Variants in TULP4 observed in about 807,000 individuals in gnomAD.
The protein encoded by TULP4 is TUB like protein 4.
A neutral mutation model predicts 129.0 loss-of-function variants in TULP4; 16 were observed. The observed-to-expected ratio is 0.12, with a 90% CI of 0.08 to 0.19. TULP4 has a LOEUF of 0.19. TULP4 is among the 10% of genes least tolerant of loss of function. The pLI is 1.00. For missense variants in TULP4, 1,842 were observed against 2,059.1 expected (o/e 0.89, Z 2.04); for synonymous variants, 998 against 854.0 (o/e 1.17, Z -2.94).
At chr6:158,387,046 A>G (rs1777464909) in intron 1 of TULP4, among the ~76,000 whole-genome samples, 1 of 152,260 alleles carries the variant, frequency 6.6e-6, no homozygotes, top group Non-Finnish European at 1.5e-5. Flanking sequence ...ATTGGGGGGG[A>G]AACTGCATAC....
chr6:158,383,954 T>G (rs1342279692), intron 1 of TULP4, among the ~76,000 whole-genome samples: 12 of 152,178 alleles, frequency 7.9e-5, no homozygotes, highest in Non-Finnish European at 1.8e-4. Flanking sequence ...GTAGTTGGAT[T>G]TGGCAGGAAG....
At chr6:158,402,401 AG>A (rs766643447) in intron 1 of TULP4, among the ~76,000 whole-genome samples, 1 of 152,218 alleles carries the variant, frequency 6.6e-6, no homozygotes, top group Non-Finnish European at 1.5e-5. Context: ...ATGGAGTCAC[AG>A]ATTGGTTTTT....
chr6:158,322,912 A>G lies in TULP4; in HGVS notation c.252+8644A>G, dbSNP rs553283690. On this transcript the variant is annotated intron_variant, in intron 1 of 13. Transcript: ENST00000367097. ...GAATGAAGAATGAGGCTTCCTAGAGATTGTGTGGTGAAGATGATCTTTGAG... is the reference window on the plus strand; with the variant it reads ...GAATGAAGAATGAGGCTTCCTAGAGGTTGTGTGGTGAAGATGATCTTTGAG... Among the ~76,000 whole-genome samples the G allele has an allele frequency of 8.0e-4, 122 of 152,248 alleles. 2 individuals are homozygous for G. The highest frequency in any genetic ancestry group is 2.9e-3 in the African/African-American group (119 of 41,530).
chr6:158,237,293 A>G (rs1777729432), intron 1 of TULP4: 2 of 1,398,932 alleles, frequency 1.4e-6, no homozygotes, highest in African/African-American at 1.4e-5. Flanking sequence ...TCCTAATGTT[A>G]CCGAGACTAG....
chr6:158,274,862 G>A (rs1778615200), intron 1 of TULP4, among the ~76,000 whole-genome samples: 1 of 152,192 alleles, frequency 6.6e-6, no homozygotes, highest in African/African-American at 2.4e-5. Flanking sequence ...GTTGCCTACA[G>A]GCCGCTCCTA....
chr6:158,438,367 G>C (rs1778797109), intron 3 of TULP4, among the ~76,000 whole-genome samples: 1 of 152,138 alleles, frequency 6.6e-6, no homozygotes, highest in Non-Finnish European at 1.5e-5. Flanking sequence ...CTTACTTGGA[G>C]GGAGGTTCTT....
intron 1 of TULP4, among the ~76,000 whole-genome samples, chr6:158,260,626 G>A (rs1778334769): frequency 6.6e-6 from 1 of 151,622 alleles, no homozygotes; most frequent in Non-Finnish European, 1.5e-5. Context: ...GCATAAGGAT[G>A]ACAGTTGATG....
At chr6:158,341,540 G>A (rs564587957) in intron 1 of TULP4, among the ~76,000 whole-genome samples, 2 of 152,240 alleles carry the variant, frequency 1.3e-5, no homozygotes, top group South Asian at 2.1e-4. Flanking sequence ...CAATATATGA[G>A]GGTTCCCTTT....
At chr6:158,443,229 G>A (rs928423736) in intron 3 of TULP4, among the ~76,000 whole-genome samples, 19 of 151,974 alleles carry the variant, frequency 1.3e-4, no homozygotes, top group African/African-American at 4.4e-4. Context: ...TGATCTGCCC[G>A]CCTCGGCCTC....
intron 1 of TULP4, among the ~76,000 whole-genome samples, chr6:158,259,044 A>G (rs1026305423): frequency 1.3e-5 from 2 of 152,316 alleles, no homozygotes; most frequent in Admixed American, 1.3e-4. Flanking sequence ...AGCCTGGCCA[A>G]TATGGTGAAA....
At chr6:158,345,679 C>A (rs1449356542) in intron 1 of TULP4, among the ~76,000 whole-genome samples, 1 of 152,164 alleles carries the variant, frequency 6.6e-6, no homozygotes, top group African/African-American at 2.4e-5. Context: ...ACAAAGATGG[C>A]AAGGCAAAGG....
intron 2 of TULP4, among the ~76,000 whole-genome samples, chr6:158,421,016 T>C (rs912490731): frequency 4.6e-5 from 7 of 152,150 alleles, no homozygotes; most frequent in African/African-American, 7.2e-5. Context: ...GGCCGCAGTT[T>C]GGTTTTTATA....
At chr6:158,246,940 G>T (rs1583672318) in intron 1 of TULP4, among the ~76,000 whole-genome samples, 1 of 152,286 alleles carries the variant, frequency 6.6e-6, no homozygotes, top group Non-Finnish European at 1.5e-5. Flanking sequence ...GCAGTGCTGT[G>T]CAGAGGATAT....
At chr6:158,274,603 T>C (rs570616763) in intron 1 of TULP4, among the ~76,000 whole-genome samples, 97 of 152,032 alleles carry the variant, frequency 6.4e-4, no homozygotes, top group South Asian at 1.5e-3. Context: ...GTTGAAACCC[T>C]GTCTCTACTA....
At chr6:158,372,234 A>G (rs1221713527) in intron 1 of TULP4, among the ~76,000 whole-genome samples, 1 of 150,062 alleles carries the variant, frequency 6.7e-6, no homozygotes, top group African/African-American at 2.5e-5. Context: ...TAGGAATTCA[A>G]CAATAGCAAA....
intron 1 of TULP4, among the ~76,000 whole-genome samples, chr6:158,389,386 A>C (rs551721283): frequency 6.6e-6 from 1 of 152,306 alleles, no homozygotes; most frequent in South Asian, 2.1e-4. Flanking sequence ...TGGGAGGTGG[A>C]TGTTGCAGTG....
intron 1 of TULP4, among the ~76,000 whole-genome samples, chr6:158,326,118 C>T (rs1779741227): frequency 6.6e-6 from 1 of 152,168 alleles, no homozygotes; most frequent in South Asian, 2.1e-4. Context: ...TCAGTGTTTA[C>T]ACTGTTTAAA....
intron 1 of TULP4, among the ~76,000 whole-genome samples, chr6:158,239,079 G>A (rs1312560241): frequency 3.6e-5 from 4 of 110,912 alleles, no homozygotes; most frequent in African/African-American, 1.2e-4. Context: ...CCTCCCTCCC[G>A]GACGGGGCGG....
intron 12 of TULP4, among the ~76,000 whole-genome samples, chr6:158,501,247 A>G (rs1172759200): frequency 6.6e-6 from 1 of 152,148 alleles, no homozygotes; most frequent in East Asian, 1.9e-4. Flanking sequence ...CCATCCCATA[A>G]TCATGAATAG....
Sources: allele counts gnomAD v4.1 joint callset (sites outside exome capture counted in the v4.1 genomes callset), GRCh38; gene constraint gnomAD v4.1.1; transcripts MANE v1.5; gene names NCBI Gene and HGNC (gene_info 2026-07-23, HGNC 2026-07-21).